CALN1: variants seen among roughly 807,000 people sequenced by gnomAD.
CALN1 encodes the protein calcium-binding protein 8.
In CALN1, 17 loss-of-function variants were observed where a neutral mutation model predicts 30.6. The ratio of observed to expected loss-of-function variants is 0.56; its 90% CI spans 0.38 to 0.83. The LOEUF is 0.83. Among genes scored for constraint, CALN1 ranks in the 40% least tolerant of loss-of-function variants. The pLI, the probability that CALN1 is intolerant of heterozygous loss-of-function variation, is 0.00. For missense variants in CALN1, 291 were observed against 354.9 expected, an observed-to-expected ratio of 0.82 and a Z score of 1.45; for synonymous variants, 156 against 131.4, an observed-to-expected ratio of 1.19 and a Z score of -1.28.
the CALN1 span, among the ~76,000 whole-genome samples, chr7:72,484,788 C>T: frequency 6.6e-6 from 1 of 152,150 alleles, no homozygotes; most frequent in Non-Finnish European, 1.5e-5. Flanking sequence ...GAAAGCTGAG[C>T]AATTGTAGGG....
rs936536256 is a variant in CALN1 at position 72,157,407 on chromosome 7, T to C, written c.245-51113A>G. Reference sequence around the variant, plus strand: ...AGGAGGAGCACTTGAACCCAGGAGTTTGAGACCAACCTGTGCTACGGGAGG... The same window carrying C: ...AGGAGGAGCACTTGAACCCAGGAGTCTGAGACCAACCTGTGCTACGGGAGG... On this transcript the variant is annotated intron_variant, in intron 3 of 6. Transcript: ENST00000395275. Among the ~76,000 whole-genome samples the C allele has an allele frequency of 2.6e-5, 4 of 152,054 alleles. No homozygotes were observed. In the East Asian group the frequency reaches 7.7e-4, roughly 29 times the overall value.
chr7:72,178,764 G>A (rs183685214), intron 3 of CALN1, among the ~76,000 whole-genome samples: 25 of 151,744 alleles, frequency 1.6e-4, no homozygotes, highest in African/African-American at 5.3e-4. Flanking sequence ...ATATTTTTAC[G>A]CATATTGTAG....
intron 3 of CALN1, among the ~76,000 whole-genome samples, chr7:72,161,985 AATGAT>A (rs58676635): frequency 0.012 from 1,830 of 151,284 alleles, 30 homozygotes; most frequent in African/African-American, 0.04. Context: ...CTAGGAACTG[AATGAT>A]ATAATACTTT....
At chr7:71,924,716 AAAT>A (rs1795170790) in intron 5 of CALN1, among the ~76,000 whole-genome samples, 1 of 152,076 alleles carries the variant, frequency 6.6e-6, no homozygotes, top group Admixed American at 6.5e-5. Context: ...GTCTATCTTC[AAAT>A]AATACAATGC....
chr7:72,304,458 C>T (rs1799511036), intron 2 of CALN1, among the ~76,000 whole-genome samples: 1 of 152,014 alleles, frequency 6.6e-6, no homozygotes, highest in African/African-American at 2.4e-5. Context: ...GCCTGGGCAA[C>T]AACAGGAAGG....
At chr7:71,920,138 ATGTACTTCC>A (rs969941297) in intron 5 of CALN1, among the ~76,000 whole-genome samples, 3 of 152,070 alleles carry the variant, frequency 2.0e-5, no homozygotes, top group African/African-American at 7.2e-5. Flanking sequence ...TCATGCCACT[ATGTACTTCC>A]TGCAGAATGA....
At chr7:72,272,677 C>T (rs1032208187) in intron 3 of CALN1, among the ~76,000 whole-genome samples, 2 of 152,128 alleles carry the variant, frequency 1.3e-5, no homozygotes, top group African/African-American at 4.8e-5. Flanking sequence ...ACACAATTTC[C>T]ACCCACACTT....
At chr7:72,286,012 T>C (rs1196261170) in intron 2 of CALN1, among the ~76,000 whole-genome samples, 1 of 152,148 alleles carries the variant, frequency 6.6e-6, no homozygotes, top group African/African-American at 2.4e-5. Flanking sequence ...ATAATGATAT[T>C]CTCAACACCA....
chr7:72,154,640 A>C (rs1727908265), intron 3 of CALN1, among the ~76,000 whole-genome samples: 1 of 152,040 alleles, frequency 6.6e-6, no homozygotes, highest in Admixed American at 6.5e-5. Flanking sequence ...CCCTCTACTA[A>C]AACTCAGATG....
At chr7:72,163,330 A>G (rs1487891246) in intron 3 of CALN1, among the ~76,000 whole-genome samples, 1 of 151,570 alleles carries the variant, frequency 6.6e-6, no homozygotes, top group Non-Finnish European at 1.5e-5. Flanking sequence ...AAAAGAGCAT[A>G]ATTAAGATTC....
At chr7:71,839,306 C>T (rs914997811) in intron 5 of CALN1, among the ~76,000 whole-genome samples, 3 of 152,128 alleles carry the variant, frequency 2.0e-5, no homozygotes, top group Admixed American at 1.3e-4. Flanking sequence ...TTGAGGCAGG[C>T]ACATCACTTG....
At chr7:72,307,496 G>C (rs937770579) in intron 2 of CALN1, among the ~76,000 whole-genome samples, 8 of 152,178 alleles carry the variant, frequency 5.3e-5, no homozygotes, top group African/African-American at 1.7e-4. Context: ...GGCATTTAAC[G>C]CATCTAATGG....
At chr7:72,378,725 A>G (rs919077877) in intron 2 of CALN1, among the ~76,000 whole-genome samples, 2 of 151,430 alleles carry the variant, frequency 1.3e-5, no homozygotes, top group East Asian at 1.9e-4. Flanking sequence ...AAATACAAAT[A>G]TAACATCTTT....
At chr7:72,027,902 C>T (rs1184225577) in intron 4 of CALN1, among the ~76,000 whole-genome samples, 4 of 147,654 alleles carry the variant, frequency 2.7e-5, no homozygotes, top group African/African-American at 5.0e-5. Context: ...CTAAAAAACA[C>T]AAAAAAATTA....
intron 3 of CALN1, among the ~76,000 whole-genome samples, chr7:72,258,354 G>T (rs111620471): frequency 4.6e-5 from 7 of 152,258 alleles, no homozygotes; most frequent in East Asian, 3.9e-4. Flanking sequence ...CTGAAAAAGA[G>T]ATTTGTGTGG....
At chr7:72,340,244 T>C (rs1351204293) in intron 2 of CALN1, among the ~76,000 whole-genome samples, 2 of 152,308 alleles carry the variant, frequency 1.3e-5, no homozygotes, top group East Asian at 3.9e-4. Flanking sequence ...TGAACTCACT[T>C]ATGACATTTG....
rs1037821249 is a variant in CALN1 at position 71,835,805 on chromosome 7, G to A, written c.502-25313C>T. Among the ~76,000 whole-genome samples the A allele has an allele frequency of 3.9e-5, 6 of 152,322 alleles. No homozygotes were observed. The East Asian group carries it at 5.8e-4, about 15-fold the overall frequency. ...TAGAGTTGGCACTGTGAGGGCATCC[G>A]AGCAGCCATGGGGTAGACCAAGGAC... On this transcript the variant is annotated intron_variant, in intron 5 of 6. Transcript: ENST00000395275.
At chr7:72,008,539 A>G (rs926079584) in intron 5 of CALN1, among the ~76,000 whole-genome samples, 1 of 152,126 alleles carries the variant, frequency 6.6e-6, no homozygotes, top group Admixed American at 6.5e-5. Context: ...ACTAGAATGA[A>G]AACAGAGAAA....
chr7:72,258,783 T>C (rs1796090464), intron 3 of CALN1, among the ~76,000 whole-genome samples: 1 of 144,798 alleles, frequency 6.9e-6, no homozygotes. Context: ...CTGGGTGTGG[T>C]GGTGGGTGCC....
Sources: gnomAD v4.1 joint callset for allele counts (sites outside exome capture counted in the v4.1 genomes callset) on GRCh38, gnomAD v4.1.1 for gene constraint, MANE v1.5 for transcripts, NCBI Gene and HGNC (gene_info 2026-07-23, HGNC 2026-07-21) for gene names.